ADCY8: variants seen among roughly 807,000 people sequenced by gnomAD.
ADCY8 encodes the protein adenylate cyclase type 8.
ADCY8 carries 51 observed loss-of-function variants against 119.7 expected under a neutral mutation model. That is an observed-to-expected ratio of 0.43 (90% CI 0.34 to 0.54). The LOEUF (loss-of-function observed/expected upper bound fraction) is 0.54. Ranked by LOEUF, ADCY8 falls within the 20% of genes least tolerant of loss-of-function variation. The pLI is 0.03. For missense variants in ADCY8, 1,383 were observed against 1,598.8 expected (o/e 0.87, Z 2.30); for synonymous variants, 665 against 651.0 (o/e 1.02, Z -0.33).
chr8:130,815,442 C>G (rs2130176033), intron 13 of ADCY8, among the ~76,000 whole-genome samples: 1 of 152,206 alleles, frequency 6.6e-6, no homozygotes, highest in East Asian at 1.9e-4. Flanking sequence ...TATCATATAC[C>G]AGGAATGTTT....
At chr8:130,868,028 A>G in intron 8 of ADCY8, 82 bp from the exon 9 acceptor site, 1 of 852,104 alleles carries the variant, frequency 1.2e-6, no homozygotes, top group Non-Finnish European at 1.8e-6. Context: ...AGAAGAAACA[A>G]GGCAATTAGA....
At chr8:130,882,589 T>C (rs996506761) in intron 8 of ADCY8, among the ~76,000 whole-genome samples, 17 of 152,278 alleles carry the variant, frequency 1.1e-4, no homozygotes, top group African/African-American at 4.1e-4. Flanking sequence ...CATGGTAGGC[T>C]CAGATTCCAG....
chr8:130,874,540 C>T (rs192009086), intron 8 of ADCY8, among the ~76,000 whole-genome samples: 1,698 of 152,150 alleles, frequency 0.011, 38 homozygotes, highest in African/African-American at 0.039. Flanking sequence ...TCTTCCCAAG[C>T]AAACTGACCT....
intron 1 of ADCY8, among the ~76,000 whole-genome samples, chr8:131,036,620 A>C (rs1330095386): frequency 1.3e-5 from 2 of 152,176 alleles, no homozygotes; most frequent in African/African-American, 4.8e-5. Flanking sequence ...CAAATAAGAT[A>C]ATTTCAGATA....
chr8:130,785,318 C>T (rs1016712849), intron 16 of ADCY8, 65 bp downstream of exon 16: 28 of 1,135,454 alleles, frequency 2.5e-5, no homozygotes, highest in African/African-American at 6.3e-5. Context: ...GCTTCACCAC[C>T]GTCGGTGACA....
intron 16 of ADCY8, 75 bp downstream of exon 16, chr8:130,785,308 G>C (rs1815215684): frequency 2.0e-6 from 2 of 987,398 alleles, no homozygotes; most frequent in African/African-American, 1.7e-5. Context: ...GGTGACAGAG[G>C]CTTCACCACC....
intron 8 of ADCY8, among the ~76,000 whole-genome samples, chr8:130,869,938 C>CCTG (rs1554610069): frequency 1.4e-5 from 2 of 138,742 alleles, no homozygotes; most frequent in African/African-American, 5.5e-5. Context: ...TCCTCCTCCT[C>CCTG]CTCTTCTTCT....
In ADCY8 at chr8:130,990,551, A is replaced by G; in HGVS notation, c.961-9T>C. ...ACTGCCTGGGCCACAACCTAAAATA[A>G]ACACAGTCTGGTCAGGCGCTTAAAA... On this transcript the variant is annotated splice_polypyrimidine_tract_variant and intron_variant, in intron 1 of 17. Coordinates refer to ENST00000286355, the MANE Select transcript of ADCY8 (RefSeq NM_001115.3). The G allele has an allele frequency of 1.9e-6, 3 of 1,612,896 alleles. No individual in the cohort carries two copies. In the South Asian group the frequency reaches 3.3e-5, roughly 18 times the overall value.
Position 131,019,833 on chromosome 8 carries a change from C to G in ADCY8, c.960+19541G>C, listed in dbSNP as rs866737313. On this transcript the variant is annotated intron_variant, in intron 1 of 17. Coordinates refer to ENST00000286355, the MANE Select transcript of ADCY8 (RefSeq NM_001115.3). ...TCTCTCTCTCTCTCTCTCTCTCTCT[C>G]TCTCTGTCTGTCTCTCTCTCTCTCT... 6.3e-3 allele frequency among the ~76,000 whole-genome samples: 698 copies of G among 111,030 alleles called. 3 individuals are homozygous for G. Among genetic ancestry groups the G allele is most frequent in the Admixed American group, 0.011 (120 of 11,000 alleles). The allele number at this position is 111,030 out of a possible 152,430, so 72.8% of individuals were successfully genotyped here. A position where few individuals can be genotyped will look rare whatever the true frequency, so the allele number is the denominator to read the frequency against.
chr8:130,845,209 T>C (rs1817260419), intron 11 of ADCY8, among the ~76,000 whole-genome samples: 2 of 152,162 alleles, frequency 1.3e-5, no homozygotes, highest in Admixed American at 6.6e-5. Flanking sequence ...GGCTAATCTC[T>C]GAGTGCTGTG....
rs528267194 is a variant in ADCY8 at position 130,838,979 on chromosome 8, C to T, written c.2503-2530G>A. ...CAGGGGACATGAGTTTGAACTGGAC[C>T]TTGAAGGACAGAGAGGATTTCACAC... On this transcript the variant is annotated intron_variant, in intron 11 of 17. Transcript: ENST00000286355. 1.4e-4 allele frequency among the ~76,000 whole-genome samples: 19 copies of T among 140,316 alleles called. 7 individuals carry two copies. The highest frequency in any genetic ancestry group is 2.6e-4 in the Non-Finnish European group (16 of 61,934). The allele number at this position is 140,316 out of a possible 152,430, so 92.1% of individuals were successfully genotyped here. A position where few individuals can be genotyped will look rare whatever the true frequency, so the allele number is the denominator to read the frequency against.
intron 1 of ADCY8, among the ~76,000 whole-genome samples, chr8:130,996,293 A>C (rs1462989407): frequency 1.3e-5 from 2 of 152,122 alleles, no homozygotes; most frequent in African/African-American, 2.4e-5. Flanking sequence ...TATTATTACA[A>C]TCAAAATCCC....
rs554230224 is a variant in ADCY8 at position 130,888,664 on chromosome 8, T to C, written c.1912-3903A>G. Among the ~76,000 whole-genome samples, 190 of 152,074 alleles carry C rather than the reference T, an allele frequency of 1.2e-3. 1 individual carries two copies. The highest frequency in any genetic ancestry group is 3.4e-3 in the Middle Eastern group (1 of 294). On this transcript the variant is annotated intron_variant, in intron 7 of 17. Transcript: ENST00000286355. Reference sequence around the variant, plus strand: ...CTGATGATAGGATCTTGCTTGACAGTTTGGGGGTTCTGGTGAAAATTATAA... The same window carrying C: ...CTGATGATAGGATCTTGCTTGACAGCTTGGGGGTTCTGGTGAAAATTATAA...
chr8:131,001,534 A>G (rs916779629), intron 1 of ADCY8, among the ~76,000 whole-genome samples: 4 of 149,114 alleles, frequency 2.7e-5, no homozygotes, highest in African/African-American at 7.3e-5. Flanking sequence ...GTGTGTGTAT[A>G]TCTAATATAT....
At chr8:130,871,208 ACT>A (rs1056106411) in intron 8 of ADCY8, among the ~76,000 whole-genome samples, 199 of 152,190 alleles carry the variant, frequency 1.3e-3, no homozygotes, top group African/African-American at 4.6e-3. Flanking sequence ...AGGTCTGAAC[ACT>A]CTGGCTCATA....
At chr8:130,930,671 C>T (rs1295390912) in intron 5 of ADCY8, among the ~76,000 whole-genome samples, 1 of 151,780 alleles carries the variant, frequency 6.6e-6, no homozygotes, top group East Asian at 1.9e-4. Flanking sequence ...TAACTTTGGT[C>T]ACACACACAC....
intron 11 of ADCY8, among the ~76,000 whole-genome samples, chr8:130,839,589 G>T (rs1207283066): frequency 7.1e-6 from 1 of 140,206 alleles, no homozygotes; most frequent in East Asian, 2.2e-4. Flanking sequence ...TCTTTTGCTG[G>T]GTCTGGACCC....
At chr8:131,006,064 A>G (rs1163098204) in intron 1 of ADCY8, among the ~76,000 whole-genome samples, 6 of 151,900 alleles carry the variant, frequency 3.9e-5, no homozygotes, top group Non-Finnish European at 8.8e-5. Context: ...ACACACACGC[A>G]CACACACACA....
chr8:130,840,903 T>G (rs1465977736), intron 11 of ADCY8, among the ~76,000 whole-genome samples: 1 of 152,186 alleles, frequency 6.6e-6, no homozygotes, highest in Non-Finnish European at 1.5e-5. Context: ...GCATTGTAAG[T>G]GCATCACCTT....
Sources: allele counts gnomAD v4.1 joint callset (sites outside exome capture counted in the v4.1 genomes callset), GRCh38; gene constraint gnomAD v4.1.1; transcripts MANE v1.5; gene names NCBI Gene and HGNC (gene_info 2026-07-23, HGNC 2026-07-21).